Variants in PRDM10 observed in about 807,000 individuals in gnomAD.
The protein encoded by PRDM10 is PR/SET domain 10.
A neutral mutation model predicts 133.1 loss-of-function variants in PRDM10; 65 were observed. That is an observed-to-expected ratio of 0.49 (90% CI 0.40 to 0.60). PRDM10 has a LOEUF of 0.60. Among genes scored for constraint, PRDM10 ranks in the 20% least tolerant of loss-of-function variants. PRDM10 has a pLI of 0.00. For missense variants in PRDM10, 1,137 were observed against 1,507.1 expected, an observed-to-expected ratio of 0.75 and a Z score of 4.07; for synonymous variants, 582 against 580.4, an observed-to-expected ratio of 1.00 and a Z score of -0.04.
rs1264850963 is a variant in PRDM10, at chr11:129,945,057, G to A, written c.521-45C>T. Reference sequence around the variant, plus strand: ...TTGAAGAAAAGTCCAATTCCTCAGTGTGACTTGATGTGAGGTAAAAAATTC... The same window carrying A: ...TTGAAGAAAAGTCCAATTCCTCAGTATGACTTGATGTGAGGTAAAAAATTC... On this transcript the variant is annotated intron_variant, in intron 5 of 20. Transcript: ENST00000360871. The surrounding 1 kb of genome is among the most constrained non-coding windows in gnomAD (Gnocchi z 4.2). 2 of 1,590,362 alleles carry A rather than the reference G, an allele frequency of 1.3e-6. No homozygotes were observed. The highest frequency in any genetic ancestry group is 3.9e-5 in the Admixed American group (2 of 51,430).
intron 1 of PRDM10, among the ~76,000 whole-genome samples, chr11:129,988,412 G>A (rs1343215574): frequency 6.6e-6 from 1 of 151,890 alleles, no homozygotes; most frequent in African/African-American, 2.4e-5. Flanking sequence ...TTATATTGTG[G>A]GTAGAGACGG....
At chr11:129,984,541 C>G (rs1938305130) in intron 1 of PRDM10, among the ~76,000 whole-genome samples, 1 of 152,124 alleles carries the variant, frequency 6.6e-6, no homozygotes, top group Non-Finnish European at 1.5e-5. Flanking sequence ...ACTCGGGCTT[C>G]TATCCCCACC....
chr11:129,998,173 A>G (rs1157855267), intron 1 of PRDM10, among the ~76,000 whole-genome samples: 8 of 152,136 alleles, frequency 5.3e-5, no homozygotes, highest in Admixed American at 6.5e-5. Flanking sequence ...AAATTGAAAG[A>G]TATTATTTTT....
In PRDM10 at chr11:129,937,582, A is replaced by T. The variant is rs769015418; in HGVS notation, c.1039+16T>A. The stretch of plus-strand genomic sequence containing the variant: ...AGAATTCATATAGAAAATGTAAAAC[A>T]TAAACGTCTAACCACCTTTCCTTTC... On this transcript the variant is annotated intron_variant, in intron 8 of 20. Transcript: ENST00000360871. The T allele has an allele frequency of 6.2e-7, 1 of 1,607,974 alleles. No individual in the cohort carries two copies. The highest frequency in any genetic ancestry group is 1.7e-5 in the Admixed American group (1 of 59,222).
In PRDM10 at chr11:129,899,958, CA is replaced by C. The variant is rs1188875503; in HGVS notation, c.*2354del. 6.6e-6 allele frequency: 1 copy of C among 152,480 alleles called. No homozygotes were observed. The highest frequency in any genetic ancestry group is 2.4e-5 in the African/African-American group (1 of 41,388). 9.4% of individuals were successfully genotyped at this position (152,480 alleles called of 1,614,324 possible). A position where few individuals can be genotyped will look rare whatever the true frequency, so the allele number is the denominator to read the frequency against. On this transcript the variant is annotated 3_prime_UTR_variant, in exon 21 of 21. Transcript: ENST00000360871. ...CTTCCAAGTCAGAAAACAAGAAGATCAAAACAATAGGTTTTTCCAGAATAAC... is the reference window on the plus strand; with the variant it reads ...CTTCCAAGTCAGAAAACAAGAAGATCAAACAATAGGTTTTTCCAGAATAAC...
At chr11:129,994,223 C>A (rs1938911140) in intron 1 of PRDM10, among the ~76,000 whole-genome samples, 1 of 104,768 alleles carries the variant, frequency 9.5e-6, no homozygotes, top group African/African-American at 5.7e-5. Flanking sequence ...GTAATCCCAG[C>A]ACTTTGGGAG....
intron 17 of PRDM10, among the ~76,000 whole-genome samples, chr11:129,912,752 G>GAAA (rs879486759): frequency 1.0e-5 from 1 of 96,602 alleles, no homozygotes; most frequent in Non-Finnish European, 2.1e-5. Context: ...ACTCCATCTC[G>GAAA]AAAAAAAAAA....
At chr11:129,920,560 G>A (rs1203449620) in intron 13 of PRDM10, among the ~76,000 whole-genome samples, 2 of 151,928 alleles carry the variant, frequency 1.3e-5, no homozygotes. Context: ...AGCACAGCGC[G>A]CTAGCTTAAC....
chr11:129,933,169 C>T (rs1412259525), intron 9 of PRDM10, among the ~76,000 whole-genome samples: 1 of 152,214 alleles, frequency 6.6e-6, no homozygotes, highest in African/African-American at 2.4e-5. Flanking sequence ...TCAATCAGAT[C>T]AAATTTTATT....
At chr11:129,960,576 C>T (rs929500815) in intron 2 of PRDM10, among the ~76,000 whole-genome samples, 8 of 152,146 alleles carry the variant, frequency 5.3e-5, no homozygotes, top group African/African-American at 1.4e-4. Context: ...CTATGGATAA[C>T]GTAAAAGAAA....
Position 129,901,726 on chromosome 11 carries a change from A to T in PRDM10, c.*587T>A, listed in dbSNP as rs180899219. On this transcript the variant is annotated 3_prime_UTR_variant, in exon 21 of 21. Coordinates refer to ENST00000360871, the MANE Select transcript of PRDM10 (RefSeq NM_199437.2). ...AATAGTTTTCTAAAATAGGGAAGTT[A>T]AAAAAAATCAGCAAGAAAAATTTAG... 1.3e-5 allele frequency: 2 copies of T among 152,336 alleles called. No individual in the cohort carries two copies. The highest frequency in any genetic ancestry group is 6.5e-5 in the Admixed American group (1 of 15,302). 9.4% of individuals were successfully genotyped at this position (152,336 alleles called of 1,614,324 possible).
chr11:129,922,043 A>C (rs1259336005), intron 13 of PRDM10, among the ~76,000 whole-genome samples: 2 of 151,568 alleles, frequency 1.3e-5, no homozygotes, highest in Non-Finnish European at 2.9e-5. Flanking sequence ...CTGACTTCCG[A>C]CCTCCCAGCT....
chr11:129,906,707 T>G (rs1950026327), intron 19 of PRDM10, among the ~76,000 whole-genome samples: 1 of 152,194 alleles, frequency 6.6e-6, no homozygotes, highest in Non-Finnish European at 1.5e-5. Context: ...GCCAGGCACA[T>G]GGACTCATTC....
Position 129,900,529 on chromosome 11 carries a change from A to T in PRDM10, c.*1784T>A, listed in dbSNP as rs1949816821. ...TTCCTGAAGGGAGGGGAGATACCTT[A>T]TGGTTCAAATTAAAAAGAACGTAAC... On this transcript the variant is annotated 3_prime_UTR_variant, in exon 21 of 21. Coordinates refer to ENST00000360871, the MANE Select transcript of PRDM10 (RefSeq NM_199437.2). The T allele has an allele frequency of 6.6e-6, 1 of 152,656 alleles. No homozygotes were observed. Among genetic ancestry groups the T allele is most frequent in the African/African-American group, 2.4e-5 (1 of 41,464 alleles). The allele number at this position is 152,656 out of a possible 1,614,324, so 9.5% of individuals were successfully genotyped here.
intron 1 of PRDM10, among the ~76,000 whole-genome samples, chr11:129,980,867 T>TG (rs1330077323): frequency 5.0e-5 from 7 of 140,180 alleles, no homozygotes; most frequent in East Asian, 4.1e-4. Flanking sequence ...TCTGGTTTTT[T>TG]TTTTTTTTTT....
Position 129,918,416 on chromosome 11 carries a change from TG to T in PRDM10, c.2214+122del. On this transcript the variant is annotated intron_variant, in intron 14 of 20. Coordinates refer to ENST00000360871, the MANE Select transcript of PRDM10 (RefSeq NM_199437.2). This position sits in a 1 kb window ranked among gnomAD's most constrained non-coding sequence, Gnocchi z 5.3. ...AATCGTTTGCCTCTGTTTCTTCCCC[TG>T]GACATTGACAAAACCATTGATCGAT... 1 of 1,218,436 alleles carries T rather than the reference TG, an allele frequency of 8.2e-7. No individual in the cohort carries two copies. Among genetic ancestry groups the T allele is most frequent in the Non-Finnish European group, 1.1e-6 (1 of 921,700 alleles). The allele number at this position is 1,218,436 out of a possible 1,614,324, so 75.5% of individuals were successfully genotyped here. A position where few individuals can be genotyped will look rare whatever the true frequency, so the allele number is the denominator to read the frequency against.
intron 12 of PRDM10, among the ~76,000 whole-genome samples, chr11:129,924,301 G>A (rs1326114724): frequency 2.0e-5 from 3 of 152,066 alleles, no homozygotes; most frequent in African/African-American, 7.2e-5. Flanking sequence ...AAAATGTTTC[G>A]TTATTCACTG....
intron 1 of PRDM10, among the ~76,000 whole-genome samples, chr11:129,974,572 A>G (rs751944837): frequency 5.9e-5 from 9 of 152,130 alleles, no homozygotes; most frequent in Non-Finnish European, 1.0e-4. Flanking sequence ...AGCTAACTAG[A>G]TAGGAATTAG....
At chr11:129,994,194 G>C (rs1206948986) in intron 1 of PRDM10, among the ~76,000 whole-genome samples, 1 of 137,386 alleles carries the variant, frequency 7.3e-6, no homozygotes, top group Non-Finnish European at 1.5e-5. Flanking sequence ...ACTGGGGCTG[G>C]GTGCAGTGGC....
Sources: gnomAD v4.1 joint callset for allele counts (sites outside exome capture counted in the v4.1 genomes callset) on GRCh38, gnomAD v4.1.1 for gene constraint, Gnocchi (gnomAD v3.1) non-coding constraint, MANE v1.5 for transcripts, NCBI Gene and HGNC (gene_info 2026-07-23, HGNC 2026-07-21) for gene names.